ALG1L2: variants seen among roughly 807,000 people sequenced by gnomAD.
ALG1L2 encodes ALG1 chitobiosyldiphosphodolichol beta-mannosyltransferase like 2.
In ALG1L2, 32 loss-of-function variants were observed where a neutral mutation model predicts 29.0. The ratio of observed to expected loss-of-function variants is 1.10; its 90% CI spans 0.83 to 1.48. The LOEUF is 1.48. Ranked by LOEUF, ALG1L2 falls within the 40% of genes most tolerant of loss-of-function variation. The pLI, the probability that ALG1L2 is intolerant of heterozygous loss-of-function variation, is 0.00. For synonymous variants in ALG1L2, 110 were observed against 109.5 expected (o/e 1.00, Z -0.03); for missense variants, 318 against 274.1 (o/e 1.16, Z -1.13).
chr3:130,098,168 G>T lies in ALG1L2; in HGVS notation c.616-55G>T, dbSNP rs1935186332. 7 of 1,594,794 alleles carry T rather than the reference G, an allele frequency of 4.4e-6. No homozygotes were observed. In the South Asian group the frequency reaches 7.7e-5, roughly 18 times the overall value. On this transcript the variant is annotated intron_variant, in intron 7 of 7. Transcript: ENST00000425059. Reference sequence around the variant, plus strand: ...TGGGTCGGGGAGCTGGGGTCATCCAGGTGGTGACCTGGGATGGGGTGGGGA... The same window carrying T: ...TGGGTCGGGGAGCTGGGGTCATCCATGTGGTGACCTGGGATGGGGTGGGGA...
At chr3:130,082,144 C>T in intron 1 of ALG1L2, 108 bp downstream of exon 1, 1 of 1,325,510 alleles carries the variant, frequency 7.5e-7, no homozygotes, top group South Asian at 1.3e-5. Flanking sequence ...ACAGGCAGTC[C>T]TCCGGAGTAG....
At chr3:130,086,852 C>T (rs1385360612) in intron 1 of ALG1L2, among the ~76,000 whole-genome samples, 2 of 151,068 alleles carry the variant, frequency 1.3e-5, no homozygotes, top group Admixed American at 1.3e-4. Context: ...TCTGACTCTC[C>T]CACACCCCTC....
chr3:130,094,459 C>T lies in ALG1L2; in HGVS notation c.370C>T (p.His124Tyr), dbSNP rs768140590. ...SRLIHQKHFQHIQVCIPWLEG... is the reference protein window; with the variant it reads ...SRLIHQKHFQYIQVCIPWLEG... ...CCTCATCCACCAGAAGCATTTCCAG[C>T]ACATCCAGGTCTGCATCCCCTGGCT... Residue 124 changes from histidine (H) to tyrosine (Y), a missense_variant, in exon 5 of 8, where the codon CAC becomes TAC. Physicochemically the swap from His to Tyr is moderately conservative, Grantham distance 83. Coordinates refer to ENST00000425059, the MANE Select transcript of ALG1L2 (RefSeq NM_001136152.1). 1.7e-5 allele frequency: 27 copies of T among 1,596,106 alleles called. No homozygotes were observed. Among genetic ancestry groups the T allele is most frequent in the Non-Finnish European group, 2.0e-5 (24 of 1,179,656 alleles).
Position 130,098,205 on chromosome 3 carries a change from G to C in ALG1L2, c.616-18G>C. On this transcript the variant is annotated intron_variant, in intron 7 of 7. Transcript: ENST00000425059. ...GGATGGGGTGGGGACAGGCAATGAGGTAAGCTCTGCTCTTCAGTATTTTGC... is the reference window on the plus strand; with the variant it reads ...GGATGGGGTGGGGACAGGCAATGAGCTAAGCTCTGCTCTTCAGTATTTTGC... The C allele has an allele frequency of 1.3e-6, 2 of 1,596,370 alleles. No individual in the cohort carries two copies. The highest frequency in any genetic ancestry group is 1.1e-5 in the South Asian group (1 of 90,970).
In ALG1L2 at chr3:130,082,012, G is replaced by C. The variant is rs1312197789; in HGVS notation, c.-5G>C. 6.6e-7 allele frequency: 1 copy of C among 1,505,118 alleles called. No homozygotes were observed. The highest frequency in any genetic ancestry group is 2.0e-5 in the Admixed American group (1 of 49,928). 93.2% of individuals were successfully genotyped at this position (1,505,118 alleles called of 1,614,324 possible). ...TAAGAAGTCTGAATTTTAACCTGAA[G>C]GGACATGGGAGCTACTGCAGGCTGG... is the stretch of plus-strand genomic sequence containing the variant. On this transcript the variant is annotated 5_prime_UTR_variant, in exon 1 of 8. Coordinates refer to ENST00000425059, the MANE Select transcript of ALG1L2 (RefSeq NM_001136152.1).
intron 1 of ALG1L2, among the ~76,000 whole-genome samples, chr3:130,086,374 A>G (rs1489127515): frequency 1.4e-5 from 2 of 147,162 alleles, no homozygotes; most frequent in African/African-American, 4.9e-5. Context: ...TAATCCCAAG[A>G]GAAAAGACAG....
chr3:130,084,070 G>A (rs1203108294), intron 1 of ALG1L2, among the ~76,000 whole-genome samples: 3 of 151,082 alleles, frequency 2.0e-5, no homozygotes, highest in South Asian at 4.2e-4. Context: ...GGAGGAGGGC[G>A]AGCAGCAATT....
At chr3:130,092,692 C>T (rs1221240917) in intron 3 of ALG1L2, among the ~76,000 whole-genome samples, 2 of 152,190 alleles carry the variant, frequency 1.3e-5, no homozygotes, top group African/African-American at 4.8e-5. Flanking sequence ...CAGAGCAGTG[C>T]ACTTTCTCCA....
Position 130,082,009 on chromosome 3 carries a change from G to A in ALG1L2, c.-8G>A. ...TGCTAAGAAGTCTGAATTTTAACCT[G>A]AAGGGACATGGGAGCTACTGCAGGC... On this transcript the variant is annotated 5_prime_UTR_variant, in exon 1 of 8. Transcript: ENST00000425059. 1 of 1,503,238 alleles carries A rather than the reference G, an allele frequency of 6.7e-7. No homozygotes were observed. Among genetic ancestry groups the A allele is most frequent in the Non-Finnish European group, 9.0e-7 (1 of 1,105,626 alleles). 93.1% of individuals were successfully genotyped at this position (1,503,238 alleles called of 1,614,324 possible).
In ALG1L2 at chr3:130,098,242, T is replaced by C; in HGVS notation, c.635T>C (p.Leu212Pro). 2.5e-6 allele frequency: 4 copies of C among 1,596,484 alleles called. No individual in the cohort carries two copies. The highest frequency in any genetic ancestry group is 3.4e-6 in the Non-Finnish European group (4 of 1,179,778). ...CTTCAGTATTTTGCAGATGCTTTTCTCAAACTTTCCTGATCCTGAAGGCAA... is the reference window on the plus strand; with the variant it reads ...CTTCAGTATTTTGCAGATGCTTTTCCCAAACTTTCCTGATCCTGAAGGCAA... ...AQLQYFADAF[L>P]KLS is the part of the protein sequence containing the mutation. The change falls in exon 8 of 8, where the codon CTC becomes CCC. Residue 212 changes from leucine (L) to proline (P), a missense_variant. Transcript: ENST00000425059.
chr3:130,097,403 T>C (rs1935166450), intron 7 of ALG1L2, among the ~76,000 whole-genome samples, 153 bp downstream of exon 7: 1 of 152,196 alleles, frequency 6.6e-6, no homozygotes, highest in Non-Finnish European at 1.5e-5. Context: ...GAGGCTGGCC[T>C]ACTCTGCTGT....
rs189208230 is a variant in ALG1L2 at position 130,091,987 on chromosome 3, A to G, written c.132-114A>G. On this transcript the variant is annotated intron_variant, in intron 2 of 7. Transcript: ENST00000425059. Reference sequence around the variant, plus strand: ...AGGGGTGGCCTGGTGCTGCTGATGCAGCCGGGCACCCCAACCGTTGGGAGC... The same window carrying G: ...AGGGGTGGCCTGGTGCTGCTGATGCGGCCGGGCACCCCAACCGTTGGGAGC... 537 of 1,535,734 alleles carry G rather than the reference A, an allele frequency of 3.5e-4. 3 individuals are homozygous for G. The highest frequency in any genetic ancestry group is 8.4e-4 in the South Asian group (71 of 84,312).
chr3:130,092,533 C>T (rs1935040084), intron 3 of ALG1L2, among the ~76,000 whole-genome samples: 1 of 152,178 alleles, frequency 6.6e-6, no homozygotes, highest in African/African-American at 2.4e-5. Context: ...TGTTCCTGTC[C>T]TGGGCTACTG....
chr3:130,085,066 G>A (rs370492041), intron 1 of ALG1L2, among the ~76,000 whole-genome samples: 6,917 of 64,106 alleles, frequency 0.11, 18 homozygotes, highest in Middle Eastern at 0.15. Context: ...TCAAGCAATT[G>A]TCCTACCTCA....
Position 130,091,305 on chromosome 3 carries a change from C to A in ALG1L2, c.65C>A (p.Ala22Glu), listed in dbSNP as rs544440432. 9.4e-6 allele frequency: 15 copies of A among 1,599,100 alleles called. No individual in the cohort carries two copies. In the East Asian group the frequency reaches 3.1e-4, roughly 33 times the overall value. ...AAGCCGGCATCTTTCTTTAAAGAGG[C>A]ACCTCTGGACCTGCAGCACCGGCTC... ...YDKPASFFKEAPLDLQHRLFM... is the reference protein window; with the variant it reads ...YDKPASFFKEEPLDLQHRLFM... The change falls in exon 2 of 8, where the codon GCA (alanine) becomes GAA (glutamate). Residue 22 changes from alanine to glutamate, a missense_variant. Transcript: ENST00000425059.
At chr3:130,094,309 A>G in intron 4 of ALG1L2, 94 bp from the exon 5 acceptor site, 1 of 1,483,080 alleles carries the variant, frequency 6.7e-7, no homozygotes, top group South Asian at 1.1e-5. Context: ...GCTTCTGGGA[A>G]AAGGATCCCT....
rs778544426 is a variant in ALG1L2, at chr3:130,092,219, A to G, written c.250A>G (p.Thr84Ala). ...CCTGCTGGTCAGCAGCACAAGCTGG[A>G]CAGGTCTGCATGACCACTGGGGCAC... The part of the protein sequence containing the change: ...PALLVSSTSW[T>A]EFEQLTLDGQ... The change falls in exon 3 of 8, where the codon ACA becomes GCA. Residue 84 changes from threonine (T) to alanine (A), a missense_variant. Thr to Ala is a moderately conservative substitution (Grantham distance 58). Transcript: ENST00000425059. 994 of 1,609,804 alleles carry G rather than the reference A, an allele frequency of 6.2e-4. 2 individuals carry two copies. The highest frequency in any genetic ancestry group is 7.6e-4 in the Non-Finnish European group (898 of 1,178,832).
Position 130,087,724 on chromosome 3 carries a change from T to C in ALG1L2, c.21-3537T>C, listed in dbSNP as rs1358548971. Among the ~76,000 whole-genome samples the C allele has an allele frequency of 1.2e-4, 15 of 129,216 alleles. 2 individuals carry two copies. The highest frequency in any genetic ancestry group is 2.1e-4 in the Non-Finnish European group (12 of 56,014). The allele number at this position is 129,216 out of a possible 152,430, so 84.8% of individuals were successfully genotyped here. On this transcript the variant is annotated intron_variant, in intron 1 of 7. Transcript: ENST00000425059. ...GTCTTTGTACTATTTTTGCAACACT[T>C]CCATGTCTGGAAAAATAATAATAAA... is the stretch of plus-strand genomic sequence containing the variant.
intron 1 of ALG1L2, among the ~76,000 whole-genome samples, chr3:130,087,255 C>CA (rs1041020256): frequency 1.0e-4 from 15 of 150,606 alleles, no homozygotes; most frequent in African/African-American, 3.6e-4. Flanking sequence ...AGTCCCACCC[C>CA]AAATGCATAA....
Sources: gnomAD v4.1 joint callset for allele counts (sites outside exome capture counted in the v4.1 genomes callset) on GRCh38, gnomAD v4.1.1 for gene constraint, MANE v1.5 for transcripts, NCBI Gene and HGNC (gene_info 2026-07-23, HGNC 2026-07-21) for gene names.